Variants in POLD2 observed in about 807,000 individuals in gnomAD.
POLD2 encodes the protein DNA polymerase delta 2, accessory subunit, also known as DNA polymerase delta subunit 2.
In POLD2, 31 loss-of-function variants were observed where a neutral mutation model predicts 48.8. That is an observed-to-expected ratio of 0.64 (90% CI 0.48 to 0.86). The LOEUF (loss-of-function observed/expected upper bound fraction) is 0.86. Ranked by LOEUF, POLD2 falls within the 40% of genes least tolerant of loss-of-function variation. The pLI, the probability that POLD2 is intolerant of heterozygous loss-of-function variation, is 0.00. For synonymous variants in POLD2, 233 were observed against 256.3 expected (o/e 0.91, Z 0.87); for missense variants, 455 against 610.1 (o/e 0.75, Z 2.68).
chr7:44,123,073 A>C (rs2096250327), intron 1 of POLD2: 1 of 254,334 alleles, frequency 3.9e-6, no homozygotes, highest in African/African-American at 2.3e-5. Flanking sequence ...AATAGTACAA[A>C]GAATATCCCA....
intron 9 of POLD2, 115 bp downstream of exon 9, chr7:44,115,651 A>C: frequency 8.4e-7 from 1 of 1,191,904 alleles, no homozygotes. Flanking sequence ...ACTTCTCCTC[A>C]GACAGTTCTC....
chr7:44,123,110 A>C (rs984506591), intron 1 of POLD2: 1 of 381,012 alleles, frequency 2.6e-6, no homozygotes, highest in Non-Finnish European at 4.0e-6. Context: ...CAATTGAAAT[A>C]ATAGTTTGAA....
upstream of POLD2, chr7:44,123,770 GT>G: frequency 3.2e-6 from 4 of 1,259,350 alleles, no homozygotes; most frequent in Non-Finnish European, 4.1e-6. Flanking sequence ...CGGGTCTTTG[GT>G]TGGCGGCCGC....
intron 4 of POLD2, 49 bp downstream of exon 4, chr7:44,117,570 G>A (rs368766961): frequency 1.8e-4 from 275 of 1,559,202 alleles, no homozygotes; most frequent in Middle Eastern, 7.6e-4. Context: ...ACACACCACC[G>A]CTGGGCTCTT....
chr7:44,121,738 G>A lies in POLD2; in HGVS notation c.220+96C>T. On this transcript the variant is annotated intron_variant, in intron 2 of 10. Coordinates refer to ENST00000610533, the MANE Select transcript of POLD2 (RefSeq NM_006230.4). This position sits in a 1 kb window ranked among gnomAD's most constrained non-coding sequence, Gnocchi z 4.5. ...GTTAATTTTCCCAAGGTAACAGGAA[G>A]TGGGATCAATTAGATAAACTGTTCC... 2 of 1,191,828 alleles carry A rather than the reference G, an allele frequency of 1.7e-6. No individual in the cohort carries two copies. Among genetic ancestry groups the A allele is most frequent in the Non-Finnish European group, 2.3e-6 (2 of 854,804 alleles). 73.8% of individuals were successfully genotyped at this position (1,191,828 alleles called of 1,614,324 possible). A position where few individuals can be genotyped will look rare whatever the true frequency, so the allele number is the denominator to read the frequency against.
Position 44,116,351 on chromosome 7 carries a change from T to C in POLD2, c.861+79A>G. ...CCAACTCCGGCCACTCCCCCTGCCC[T>C]CCTGCCTGCCTTCTGTTGCCCAGTG... On this transcript the variant is annotated intron_variant, in intron 7 of 10. Coordinates refer to ENST00000610533, the MANE Select transcript of POLD2 (RefSeq NM_006230.4). The surrounding 1 kb of genome is among the most constrained non-coding windows in gnomAD (Gnocchi z 6.1). 1.9e-6 allele frequency: 3 copies of C among 1,597,782 alleles called. No homozygotes were observed. The highest frequency in any genetic ancestry group is 2.2e-5 in the South Asian group (2 of 89,502).
rs2128810325 is a variant in POLD2, at chr7:44,115,770, A to C, written c.1143T>G (p.Thr381=). ...CTGTATGGCTGAGCCTGTTACCTAG[A>C]GTGTCAGGGGCTGTGGGGCTGATGT... ...VRHISPTAPD[T]LGCYPFYKTD... is the part of the protein sequence containing the mutation. The change falls in exon 9 of 11, where the codon ACT becomes ACG. Residue 381 remains threonine, a synonymous_variant. Transcript: ENST00000610533. 1 of 1,612,732 alleles carries C rather than the reference A, an allele frequency of 6.2e-7. No individual in the cohort carries two copies. Among genetic ancestry groups the C allele is most frequent in the Non-Finnish European group, 8.5e-7 (1 of 1,179,562 alleles).
chr7:44,119,528 C>G (rs2096245444), intron 2 of POLD2, among the ~76,000 whole-genome samples: 1 of 152,216 alleles, frequency 6.6e-6, no homozygotes, highest in East Asian at 1.9e-4. Flanking sequence ...TACTCTCCCC[C>G]AGGTGGCCTA....
Position 44,116,839 on chromosome 7 carries a change from T to C in POLD2, c.758A>G (p.Gln253Arg), listed in dbSNP as rs138945943. The part of the protein sequence containing the change: ...LAGNLLSHST[Q>R]SRDSINKAKY... The stretch of plus-strand genomic sequence containing the variant: ...TACCTTATTGATAGAATCCCTGCTC[T>C]GGGTGCTGTGGCTGAGGAGGTTGCC... The change falls in exon 6 of 11, where the codon CAG becomes CGG. Residue 253 changes from glutamine (Q) to arginine (R), a missense_variant. Gln to Arg is a conservative substitution (Grantham distance 43). This residue lies in a region of POLD2 where 349 missense variants were observed against 437.4 expected (regional missense o/e 0.80). Coordinates refer to ENST00000610533, the MANE Select transcript of POLD2 (RefSeq NM_006230.4). This position sits in a 1 kb window ranked among gnomAD's most constrained non-coding sequence, Gnocchi z 6.1. The C allele has an allele frequency of 9.9e-6, 16 of 1,613,824 alleles. No individual in the cohort carries two copies. The highest frequency in any genetic ancestry group is 1.7e-4 in the Middle Eastern group (1 of 5,914).
At position 44,115,809 on chromosome 7, in the gene POLD2, G is replaced by A. The variant is rs747662025; in HGVS notation, c.1104C>T (p.Thr368=). Residue 368 remains threonine, a synonymous_variant, in exon 9 of 11, where the codon ACC becomes ACT. Transcript: ENST00000610533. ...TGGGGCTGATGTGACGGACCCGCAG[G>A]GTCCACTCCAGGATCTCCAAGTGAT... ...MEDHLEILEW[T]LRVRHISPTA... The A allele has an allele frequency of 5.1e-5, 83 of 1,613,952 alleles. No individual in the cohort carries two copies. The highest frequency in any genetic ancestry group is 6.8e-5 in the Non-Finnish European group (80 of 1,179,996).
At chr7:44,122,705 C>T (rs1162646086) in intron 1 of POLD2, among the ~76,000 whole-genome samples, 1 of 152,140 alleles carries the variant, frequency 6.6e-6, no homozygotes, top group African/African-American at 2.4e-5. Context: ...TGGATCCCTC[C>T]CCACAGCAAG....
Position 44,118,661 on chromosome 7 carries a change from T to C in POLD2, c.221-597A>G, listed in dbSNP as rs1052291227. 2.3e-4 allele frequency among the ~76,000 whole-genome samples: 35 copies of C among 151,508 alleles called. No homozygotes were observed. The East Asian group carries it at 4.8e-3, about 21-fold the overall frequency. On this transcript the variant is annotated intron_variant, in intron 2 of 10. Transcript: ENST00000610533. ...CCGAGTAGCTGGGACTACAGGCGTG[T>C]GCCACCACGCCCAGCTAATTTTTTT...
chr7:44,121,710 G>C lies in POLD2; in HGVS notation c.220+124C>G. 2 of 917,074 alleles carry C rather than the reference G, an allele frequency of 2.2e-6. No homozygotes were observed. Among genetic ancestry groups the C allele is most frequent in the Non-Finnish European group, 3.3e-6 (2 of 614,088 alleles). 56.8% of individuals were successfully genotyped at this position (917,074 alleles called of 1,614,324 possible). On this transcript the variant is annotated intron_variant, in intron 2 of 10. Coordinates refer to ENST00000610533, the MANE Select transcript of POLD2 (RefSeq NM_006230.4). The surrounding 1 kb of genome is among the most constrained non-coding windows in gnomAD (Gnocchi z 4.5). Reference sequence around the variant, plus strand: ...TCTTAAGAAGAAACTGAGGGAAAAAGAGGTTAATTTTCCCAAGGTAACAGG... The same window carrying C: ...TCTTAAGAAGAAACTGAGGGAAAAACAGGTTAATTTTCCCAAGGTAACAGG...
intron 1 of POLD2, chr7:44,122,597 G>T: frequency 2.9e-6 from 1 of 342,938 alleles, no homozygotes; most frequent in Non-Finnish European, 4.1e-6. Context: ...ACTCTCCAAA[G>T]TGTCCTCATT....
In POLD2 at chr7:44,116,788, G is replaced by T. The variant is rs759752372; in HGVS notation, c.780+29C>A. ...ACAGGCTTGCAGGCTCCTGGGCTGGGGCTGAATGCAGCCAGGTGGGCTCCA... is the reference window on the plus strand; with the variant it reads ...ACAGGCTTGCAGGCTCCTGGGCTGGTGCTGAATGCAGCCAGGTGGGCTCCA... On this transcript the variant is annotated intron_variant, in intron 6 of 10. Coordinates refer to ENST00000610533, the MANE Select transcript of POLD2 (RefSeq NM_006230.4). This position sits in a 1 kb window ranked among gnomAD's most constrained non-coding sequence, Gnocchi z 6.1. 6 of 1,608,690 alleles carry T rather than the reference G, an allele frequency of 3.7e-6. No individual in the cohort carries two copies. The highest frequency in any genetic ancestry group is 4.2e-6 in the Non-Finnish European group (5 of 1,176,664).
At chr7:44,117,896 G>A (rs1392025303) in intron 3 of POLD2, 47 bp downstream of exon 3, 1 of 1,606,412 alleles carries the variant, frequency 6.2e-7, no homozygotes, top group South Asian at 1.1e-5. Flanking sequence ...GTTCTAGTGG[G>A]AGGCCAGGTC....
At chr7:44,115,088 C>T (rs2096236330) in intron 10 of POLD2, 143 bp from the exon 11 acceptor site, 1 of 877,092 alleles carries the variant, frequency 1.1e-6, no homozygotes, top group Non-Finnish European at 1.8e-6. Flanking sequence ...TTGAGAGGCA[C>T]ACAGGCTGGG....
chr7:44,115,028 C>T (rs1000097122), intron 10 of POLD2, 83 bp from the exon 11 acceptor site: 10 of 1,250,218 alleles, frequency 8.0e-6, no homozygotes, highest in Non-Finnish European at 1.1e-5. Context: ...AAACAGGAGT[C>T]CCCATTGGCA....
Position 44,121,937 on chromosome 7 carries a change from G to C in POLD2, c.117C>G (p.Phe39Leu), listed in dbSNP as rs967012538. 12 of 1,613,944 alleles carry C rather than the reference G, an allele frequency of 7.4e-6. No individual in the cohort carries two copies. The highest frequency in any genetic ancestry group is 1.0e-5 in the Non-Finnish European group (12 of 1,180,046). ...GGCTAAAGCTGCGCTCTCCTAGCCGGAAGGGTTGTGAGGAGTTGGTGTAGG... is the reference window on the plus strand; with the variant it reads ...GGCTAAAGCTGCGCTCTCCTAGCCGCAAGGGTTGTGAGGAGTTGGTGTAGG... ...VATYTNSSQP[F>L]RLGERSFSRQ... The change falls in exon 2 of 11, where the codon TTC becomes TTG. Residue 39 changes from phenylalanine to leucine, a missense_variant. This residue lies in a region of POLD2 where 349 missense variants were observed against 437.4 expected (regional missense o/e 0.80). Transcript: ENST00000610533. The surrounding 1 kb of genome is among the most constrained non-coding windows in gnomAD (Gnocchi z 4.5).
Sources: gnomAD v4.1 joint callset for allele counts (sites outside exome capture counted in the v4.1 genomes callset) on GRCh38, gnomAD v4.1.1 for gene constraint, gnomAD v4.1.1 regional missense constraint, Gnocchi (gnomAD v3.1) non-coding constraint, MANE v1.5 for transcripts, NCBI Gene and HGNC (gene_info 2026-07-23, HGNC 2026-07-21) for gene names.